Variants in SLC27A1 observed in about 807,000 individuals in gnomAD.
SLC27A1 encodes solute carrier family 27 member 1.
Under a neutral mutation model 62.2 loss-of-function variants are expected in SLC27A1, and 61 were observed. The observed-to-expected ratio is 0.98, with a 90% confidence interval of 0.80 to 1.21. The LOEUF is 1.21. SLC27A1 is among the 50% of genes most tolerant of loss of function. The pLI, the probability that SLC27A1 is intolerant of heterozygous loss-of-function variation, is 0.00. For missense variants in SLC27A1, 903 were observed against 932.1 expected (o/e 0.97, Z 0.41); for synonymous variants, 435 against 408.6 (o/e 1.06, Z -0.78).
Position 17,477,879 on chromosome 19 carries a change from A to T in SLC27A1, c.167+7172A>T, listed in dbSNP as rs150816498. 4.2e-3 allele frequency among the ~76,000 whole-genome samples: 645 copies of T among 151,890 alleles called. 3 individuals carry two copies. The highest frequency in any genetic ancestry group is 7.5e-3 in the Non-Finnish European group (509 of 67,960). ...GCCCACCTTTTTCTAAAATAAATTTAAAAAATTATTTTAACATAGAGATGA... is the reference window on the plus strand; with the variant it reads ...GCCCACCTTTTTCTAAAATAAATTTTAAAAATTATTTTAACATAGAGATGA... On this transcript the variant is annotated intron_variant, in intron 1 of 11. Transcript: ENST00000252595.
intron 1 of SLC27A1, among the ~76,000 whole-genome samples, chr19:17,472,238 C>CA (rs1031766257): frequency 6.6e-6 from 1 of 151,698 alleles, no homozygotes; most frequent in African/African-American, 2.4e-5. Flanking sequence ...AATAAAAATA[C>CA]AAAAAAATTA....
Position 17,486,929 on chromosome 19 carries a change from C to A in SLC27A1, c.534C>A (p.Ala178=). The A allele has an allele frequency of 1.3e-6, 2 of 1,587,650 alleles. No homozygotes were observed. Among genetic ancestry groups the A allele is most frequent in the Non-Finnish European group, 8.5e-7 (1 of 1,174,008 alleles). ...GCCTGGGCACCTCGGGCGCTAAGGC[C>A]CTGATCTTTGGAGGAGAAATGGTGG... ...AFCLGTSGAK[A]LIFGGEMVAA... The change falls in exon 2 of 12, where the codon GCC becomes GCA. Residue 178 remains alanine (A), a synonymous_variant. Transcript: ENST00000252595. This position sits in a 1 kb window ranked among gnomAD's most constrained non-coding sequence, Gnocchi z 6.6.
At chr19:17,480,340 A>T (rs928814435) in intron 1 of SLC27A1, among the ~76,000 whole-genome samples, 9 of 151,188 alleles carry the variant, frequency 6.0e-5, no homozygotes, top group African/African-American at 1.9e-4. Flanking sequence ...TTTTTTAAAA[A>T]TTTTTGAGAC....
chr19:17,489,081 C>A lies in SLC27A1; in HGVS notation c.960C>A (p.Ser320Arg). The change falls in exon 6 of 12, where the codon AGC (serine) becomes AGA (arginine). Residue 320 changes from serine (S) to arginine (R), a missense_variant. Coordinates refer to ENST00000252595, the MANE Select transcript of SLC27A1 (RefSeq NM_198580.3). The stretch of plus-strand genomic sequence containing the variant: ...TCCTCCGCAAGAAATTCTCGGCCAG[C>A]CGCTTCTGGGACGACTGCATCAAGT... The part of the protein sequence containing the change: ...TVVLRKKFSA[S>R]RFWDDCIKYN... 6.2e-7 allele frequency: 1 copy of A among 1,614,166 alleles called. No homozygotes were observed. Among genetic ancestry groups the A allele is most frequent in the South Asian group, 1.1e-5 (1 of 91,088 alleles).
At chr19:17,502,547 T>G (rs1304411521) in intron 11 of SLC27A1, among the ~76,000 whole-genome samples, 10 of 150,234 alleles carry the variant, frequency 6.7e-5, no homozygotes, top group Admixed American at 2.0e-4. Context: ...AGAGATCGAG[T>G]TTTACCATAT....
At chr19:17,488,827 C>A in intron 4 of SLC27A1, 21 bp from the exon 5 acceptor site, 1 of 1,608,718 alleles carries the variant, frequency 6.2e-7, no homozygotes, top group South Asian at 1.1e-5. Context: ...TCTGCCCTCC[C>A]GGCTCCCCCT....
At chr19:17,472,176 C>T (rs1279062718) in intron 1 of SLC27A1, among the ~76,000 whole-genome samples, 2 of 152,062 alleles carry the variant, frequency 1.3e-5, no homozygotes, top group African/African-American at 4.8e-5. Flanking sequence ...AGGCAGATCA[C>T]GAGGTCAGGA....
chr19:17,489,133 G>A lies in SLC27A1; in HGVS notation c.996+16G>A. ...CAACTGCACGGTCAGGCCCTGCCCT[G>A]TTCTGTCTAGACCCCGCCCCTCCCA... is the stretch of plus-strand genomic sequence containing the variant. On this transcript the variant is annotated intron_variant, in intron 6 of 11. Transcript: ENST00000252595. 1 of 1,609,482 alleles carries A rather than the reference G, an allele frequency of 6.2e-7. No homozygotes were observed. The highest frequency in any genetic ancestry group is 1.7e-4 in the Middle Eastern group (1 of 5,992).
intron 1 of SLC27A1, among the ~76,000 whole-genome samples, chr19:17,481,220 C>T (rs868511981): frequency 2.6e-5 from 4 of 151,786 alleles, no homozygotes; most frequent in East Asian, 1.9e-4. Context: ...CCACTGGGCC[C>T]GGCGGTGTTT....
intron 1 of SLC27A1, among the ~76,000 whole-genome samples, chr19:17,484,842 C>T (rs948394113): frequency 1.8e-4 from 27 of 152,092 alleles, no homozygotes; most frequent in African/African-American, 6.5e-4. Context: ...CTGGGGAGGC[C>T]TGGGAAAGGC....
At chr19:17,487,910 G>C (rs2075253626) in intron 4 of SLC27A1, among the ~76,000 whole-genome samples, 1 of 150,290 alleles carries the variant, frequency 6.7e-6, no homozygotes, top group Admixed American at 6.6e-5. Flanking sequence ...ATCTGGACCT[G>C]TGCCAGCCCC....
At position 17,500,404 on chromosome 19, in the gene SLC27A1, G is replaced by A. The variant is rs375018539; in HGVS notation, c.1333G>A (p.Gly445Arg). Residue 445 changes from glycine (G) to arginine (R), a missense_variant and splice_region_variant, in exon 8 of 12, where the codon GGG becomes AGG. Coordinates refer to ENST00000252595, the MANE Select transcript of SLC27A1 (RefSeq NM_198580.3). Reference sequence around the variant, plus strand: ...GGGCCTCTGCATCCCCTGCCAGGCCGGTGAGCAGGGCCCCCGCATGGTCCC... The same window carrying A: ...GGGCCTCTGCATCCCCTGCCAGGCCAGTGAGCAGGGCCCCCGCATGGTCCC... Reference protein sequence around the residue: ...AQGLCIPCQAGEPGLLVGQIN... With the variant: ...AQGLCIPCQAREPGLLVGQIN... 59 of 1,613,516 alleles carry A rather than the reference G, an allele frequency of 3.7e-5. No homozygotes were observed. The highest frequency in any genetic ancestry group is 2.5e-4 in the Admixed American group (15 of 59,972).
chr19:17,490,921 C>T (rs1425255058), intron 6 of SLC27A1, among the ~76,000 whole-genome samples: 1 of 149,372 alleles, frequency 6.7e-6, no homozygotes, highest in African/African-American at 2.5e-5. Flanking sequence ...CCCAGCTACT[C>T]GGGAGACTGA....
intron 1 of SLC27A1, among the ~76,000 whole-genome samples, chr19:17,481,479 G>A (rs2075178058): frequency 6.6e-6 from 1 of 151,544 alleles, no homozygotes; most frequent in African/African-American, 2.4e-5. Context: ...ACCACACCTG[G>A]CCTCCATTTA....
chr19:17,484,855 G>C (rs561767625), intron 1 of SLC27A1, among the ~76,000 whole-genome samples: 2 of 152,344 alleles, frequency 1.3e-5, no homozygotes, highest in Admixed American at 1.3e-4. Context: ...GGAAAGGCAG[G>C]GGAGATCCAA....
At chr19:17,472,563 G>A (rs538750647) in intron 1 of SLC27A1, among the ~76,000 whole-genome samples, 41 of 152,074 alleles carry the variant, frequency 2.7e-4, no homozygotes, top group East Asian at 9.7e-4. Context: ...GTCTCACTCC[G>A]TCGCCCAGGC....
At chr19:17,470,364 C>T, upstream of SLC27A1, 1 of 737,304 alleles carries the variant, frequency 1.4e-6, no homozygotes, top group Non-Finnish European at 2.0e-6. Flanking sequence ...AGGAGTTGAC[C>T]AATCCCAGGC....
chr19:17,496,166 G>A (rs536956711), intron 6 of SLC27A1: 1 of 152,364 alleles, frequency 6.6e-6, no homozygotes, highest in African/African-American at 2.4e-5. Flanking sequence ...GGTAATCCCT[G>A]GCATGCAACT....
intron 3 of SLC27A1, 28 bp downstream of exon 3, chr19:17,487,363 A>G (rs2075245960): frequency 6.3e-7 from 1 of 1,587,536 alleles, no homozygotes; most frequent in Non-Finnish European, 8.6e-7. Flanking sequence ...CCCCTGCTCT[A>G]TCAACTGGTT....
Sources: allele counts gnomAD v4.1 joint callset (sites outside exome capture counted in the v4.1 genomes callset), GRCh38; gene constraint gnomAD v4.1.1; non-coding constraint Gnocchi (gnomAD v3.1); transcripts MANE v1.5; gene names NCBI Gene and HGNC (gene_info 2026-07-23, HGNC 2026-07-21).